Variants in SMYD4 observed in about 807,000 individuals in gnomAD.
SMYD4 encodes the protein SET and MYND domain containing 4.
SMYD4 carries 68 observed loss-of-function variants against 72.8 expected under a neutral mutation model. That is an observed-to-expected ratio of 0.93 (90% CI 0.77 to 1.14). The LOEUF (loss-of-function observed/expected upper bound fraction) is 1.14, where lower values mean the gene tolerates loss of function less well. Among genes scored for constraint, SMYD4 ranks in the 50% most tolerant of loss-of-function variants. SMYD4 has a pLI of 0.00. For synonymous variants in SMYD4, 407 were observed against 388.6 expected (o/e 1.05, Z -0.56); for missense variants, 984 against 1,003.7 (o/e 0.98, Z 0.27).
At chr17:1,820,373 A>C (rs1229526602) in intron 2 of SMYD4, among the ~76,000 whole-genome samples, 1 of 151,658 alleles carries the variant, frequency 6.6e-6, no homozygotes, top group Non-Finnish European at 1.5e-5. Flanking sequence ...CCAAATAGCT[A>C]TGGCTACAGG....
chr17:1,801,060 G>A (rs775305816), intron 4 of SMYD4, 36 bp from the exon 5 acceptor site: 5 of 1,535,492 alleles, frequency 3.3e-6, no homozygotes, highest in Non-Finnish European at 3.5e-6. Context: ...ATGACCCTTG[G>A]TCCCTATTCT....
At chr17:1,788,743 C>CAA (rs59298222) in intron 5 of SMYD4, among the ~76,000 whole-genome samples, 1 of 139,622 alleles carries the variant, frequency 7.2e-6, no homozygotes, top group Admixed American at 7.2e-5. Context: ...ACCCCGCCTC[C>CAA]AAAAAAAAAA....
At chr17:1,808,952 G>GT (rs756087342) in intron 3 of SMYD4, among the ~76,000 whole-genome samples, 1 of 152,136 alleles carries the variant, frequency 6.6e-6, no homozygotes, top group Non-Finnish European at 1.5e-5. Context: ...AGGTGTGATC[G>GT]TTTTTGGAAA....
At chr17:1,794,951 T>C (rs567146364) in intron 5 of SMYD4, among the ~76,000 whole-genome samples, 1 of 152,310 alleles carries the variant, frequency 6.6e-6, no homozygotes, top group East Asian at 1.9e-4. Context: ...TAAAATACCT[T>C]TGCCTTTCTG....
intron 2 of SMYD4, among the ~76,000 whole-genome samples, chr17:1,819,408 G>T (rs561804671): frequency 1.3e-5 from 2 of 152,206 alleles, no homozygotes; most frequent in East Asian, 3.9e-4. Context: ...TATACTTCTT[G>T]TTGCCTCAAA....
chr17:1,821,827 TG>T (rs1910906380), intron 2 of SMYD4, among the ~76,000 whole-genome samples: 1 of 151,028 alleles, frequency 6.6e-6, no homozygotes, highest in Non-Finnish European at 1.5e-5. Context: ...GCTACTTGGG[TG>T]GCTGAGGCAT....
intron 3 of SMYD4, among the ~76,000 whole-genome samples, chr17:1,807,904 A>G (rs991240297): frequency 3.3e-5 from 5 of 152,150 alleles, no homozygotes; most frequent in Non-Finnish European, 5.9e-5. Flanking sequence ...ATGACGCTGG[A>G]CACTCTTGCA....
chr17:1,804,657 G>T lies in SMYD4; in HGVS notation c.338C>A (p.Ser113Ter), dbSNP rs778377920. The part of the protein sequence containing the change: ...EDMSLCHANR[S>*]AALFHLGQYE... ...CTGACCCAGGTGGAAGAGGGCTGCC[G>T]AGCGGTTAGCATGACACAGTGACAT... Residue 113 changes from serine to a stop codon, truncating the protein, a stop_gained, in exon 4 of 11, where the codon TCG becomes TAG. Coordinates refer to ENST00000305513, the MANE Select transcript of SMYD4 (RefSeq NM_052928.3). LOFTEE classifies it high-confidence loss of function. 2 of 1,613,678 alleles carry T rather than the reference G, an allele frequency of 1.2e-6. No homozygotes were observed. The highest frequency in any genetic ancestry group is 1.7e-6 in the Non-Finnish European group (2 of 1,179,738).
At chr17:1,827,746 G>C (rs1597404009) in intron 2 of SMYD4, 115 bp downstream of exon 2, 1 of 1,345,768 alleles carries the variant, frequency 7.4e-7, no homozygotes, top group Non-Finnish European at 9.9e-7. Context: ...GACCAGCCTG[G>C]GAAACAAGCA....
At chr17:1,821,125 A>G (rs1477680450) in intron 2 of SMYD4, among the ~76,000 whole-genome samples, 1 of 152,194 alleles carries the variant, frequency 6.6e-6, no homozygotes, top group East Asian at 1.9e-4. Context: ...TGTGAACAAG[A>G]CTCACACAGA....
chr17:1,790,503 C>T (rs917943447), intron 5 of SMYD4, among the ~76,000 whole-genome samples: 20 of 151,750 alleles, frequency 1.3e-4, no homozygotes, highest in African/African-American at 4.1e-4. Context: ...TGCTAATATC[C>T]CTAGTGCATT....
intron 6 of SMYD4, 46 bp from the exon 7 acceptor site, chr17:1,787,019 C>T (rs755466259): frequency 1.8e-5 from 26 of 1,416,316 alleles, no homozygotes; most frequent in Non-Finnish European, 2.3e-5. Flanking sequence ...AAGAGAGAGT[C>T]AAACACTACG....
chr17:1,827,478 T>C (rs1911251162), intron 2 of SMYD4, among the ~76,000 whole-genome samples: 1 of 152,116 alleles, frequency 6.6e-6, no homozygotes, highest in South Asian at 2.1e-4. Flanking sequence ...CACACAGCAT[T>C]GTAAATGTAC....
Position 1,784,313 on chromosome 17 carries a change from G to C in SMYD4, c.2020+13C>G, listed in dbSNP as rs1478512011. The C allele has an allele frequency of 6.2e-7, 1 of 1,613,966 alleles. No individual in the cohort carries two copies. Among genetic ancestry groups the C allele is most frequent in the Non-Finnish European group, 8.5e-7 (1 of 1,179,978 alleles). On this transcript the variant is annotated intron_variant, in intron 8 of 10. Coordinates refer to ENST00000305513, the MANE Select transcript of SMYD4 (RefSeq NM_052928.3). The stretch of plus-strand genomic sequence containing the variant: ...GAAGGGGCTGGAGGACCAAAGCAGG[G>C]AGCCAGTCTCACCTAGTTCACCATC...
chr17:1,792,578 C>A (rs1021304312), intron 5 of SMYD4, among the ~76,000 whole-genome samples: 22 of 151,596 alleles, frequency 1.5e-4, no homozygotes, highest in African/African-American at 5.3e-4. Flanking sequence ...GAGGTCGAGG[C>A]TTCAGTGAGC....
chr17:1,797,492 A>AGGG lies in SMYD4; in HGVS notation c.1537+2364_1537+2365insCCC, dbSNP rs1202866159. On this transcript the variant is annotated intron_variant, in intron 5 of 10. Coordinates refer to ENST00000305513, the MANE Select transcript of SMYD4 (RefSeq NM_052928.3). ...CCATCTATCTTAAGTAGTGTTATCT[A>AGGG]TAGGCTCCAGTTCAGGAAAGCAGGC... 1.5e-4 allele frequency among the ~76,000 whole-genome samples: 23 copies of AGGG among 152,292 alleles called. No individual in the cohort carries two copies. The East Asian group carries it at 4.4e-3, about 29-fold the overall frequency.
In SMYD4 at chr17:1,785,404, T is replaced by C. The variant is rs1341527840; in HGVS notation, c.1885-943A>G. Among the ~76,000 whole-genome samples, 7 of 126,080 alleles carry C rather than the reference T, an allele frequency of 5.6e-5. No homozygotes were observed. The Admixed American group carries it at 6.4e-4, about 12-fold the overall frequency. The allele number at this position is 126,080 out of a possible 152,430, so 82.7% of individuals were successfully genotyped here. A position where few individuals can be genotyped will look rare whatever the true frequency, so the allele number is the denominator to read the frequency against. On this transcript the variant is annotated intron_variant, in intron 7 of 10. Coordinates refer to ENST00000305513, the MANE Select transcript of SMYD4 (RefSeq NM_052928.3). ...TTGCACCACTGCACTCCAGCCTGGG[T>C]GACATGAGAGAGACTCTGTCTCACA...
At position 1,800,198 on chromosome 17, in the gene SMYD4, TCA is replaced by T; in HGVS notation, c.1194_1195del (p.Ser398ArgfsTer8). The T allele has an allele frequency of 6.2e-7, 1 of 1,610,620 alleles. No individual in the cohort carries two copies. Among genetic ancestry groups the T allele is most frequent in the Non-Finnish European group, 8.5e-7 (1 of 1,177,430 alleles). On this transcript the variant is annotated frameshift_variant, in exon 5 of 11. Transcript: ENST00000305513. LOFTEE classifies it high-confidence loss of function. ...GGTCTCAACGATGTTGCCATTTTTC[TCA>T]CTCTCCCCTAGGCCATAATTAAGTG...
intron 3 of SMYD4, among the ~76,000 whole-genome samples, chr17:1,804,955 G>A (rs1017399919): frequency 5.9e-5 from 9 of 152,034 alleles, no homozygotes; most frequent in Admixed American, 3.3e-4. Flanking sequence ...TACTGAAGGT[G>A]GATAAAAAAC....
Sources: allele counts gnomAD v4.1 joint callset (sites outside exome capture counted in the v4.1 genomes callset), GRCh38; gene constraint gnomAD v4.1.1; transcripts MANE v1.5; gene names NCBI Gene and HGNC (gene_info 2026-07-23, HGNC 2026-07-21).